The following FAM107B variants were observed in gnomAD, a reference collection of about 807,000 sequenced individuals.
FAM107B encodes the protein protein FAM107B.
In FAM107B, 21 loss-of-function variants were observed where a neutral mutation model predicts 31.5. The ratio of observed to expected loss-of-function variants is 0.67; its 90% confidence interval spans 0.47 to 0.96. FAM107B has a LOEUF of 0.96. Among genes scored for constraint, FAM107B ranks in the 40% least tolerant of loss-of-function variants. The pLI, the probability that FAM107B is intolerant of heterozygous loss-of-function variation, is 0.00. For synonymous variants in FAM107B, 157 were observed against 141.5 expected (o/e 1.11, Z -0.78); for missense variants, 452 against 377.1 (o/e 1.20, Z -1.64).
intron 1 of FAM107B, among the ~76,000 whole-genome samples, chr10:14,677,778 A>G (rs1229276712): frequency 6.6e-6 from 1 of 152,186 alleles, no homozygotes; most frequent in Non-Finnish European, 1.5e-5. Flanking sequence ...TAAAACCAGG[A>G]AAGTCCTGGG....
chr10:14,636,353 C>T (rs1369965489), intron 2 of FAM107B, among the ~76,000 whole-genome samples: 1 of 150,908 alleles, frequency 6.6e-6, no homozygotes, highest in African/African-American at 2.4e-5. Context: ...GAAATGTCTA[C>T]TTCTATGTGC....
chr10:14,573,229 C>T (rs1417066592), intron 2 of FAM107B, among the ~76,000 whole-genome samples: 1 of 152,120 alleles, frequency 6.6e-6, no homozygotes, highest in African/African-American at 2.4e-5. Context: ...AAACTTAATC[C>T]TCAATGCAAC....
rs1257540271 is a variant in FAM107B at position 14,671,888 on chromosome 10, A to AC, written c.412-4198_412-4197insG. Among the ~76,000 whole-genome samples, 431 of 149,100 alleles carry AC rather than the reference A, an allele frequency of 2.9e-3. 2 individuals are homozygous for AC. The highest frequency in any genetic ancestry group is 4.7e-3 in the Non-Finnish European group (316 of 67,476). ...CCTTTTATTTAAAAAAAAAAAACAA[A>AC]AAAACAAAAAAAAAACCCTCTATTT... On this transcript the variant is annotated intron_variant, in intron 1 of 4. Transcript: ENST00000181796.
chr10:14,767,569 CAT>C (rs1423145297), intron 1 of FAM107B, among the ~76,000 whole-genome samples: 4 of 151,992 alleles, frequency 2.6e-5, no homozygotes, highest in Non-Finnish European at 5.9e-5. Context: ...AAAGAAAACA[CAT>C]GTGATCATCT....
intron 1 of FAM107B, among the ~76,000 whole-genome samples, chr10:14,692,973 T>G (rs1410073): frequency 0.59 from 90,422 of 151,996 alleles, 27,036 homozygotes; most frequent in Admixed American, 0.68. Context: ...GCTATGACGA[T>G]CCATGCAAAA....
At chr10:14,759,221 T>TAAATAAATAAAA (rs1312610691) in intron 1 of FAM107B, among the ~76,000 whole-genome samples, 152 of 151,006 alleles carry the variant, frequency 1.0e-3, no homozygotes, top group African/African-American at 3.5e-3. Flanking sequence ...AATAAATAAA[T>TAAATAAATAAAA]AAAAAGCAGC....
intron 2 of FAM107B, among the ~76,000 whole-genome samples, chr10:14,570,379 G>A (rs1050062953): frequency 5.3e-5 from 8 of 152,152 alleles, no homozygotes; most frequent in Non-Finnish European, 1.2e-4. Context: ...CATAGCCACT[G>A]TGAGAATGAC....
At chr10:14,642,150 C>T (rs1239081333) in intron 2 of FAM107B, among the ~76,000 whole-genome samples, 1 of 152,226 alleles carries the variant, frequency 6.6e-6, no homozygotes, top group Non-Finnish European at 1.5e-5. Flanking sequence ...AAGTCCAAAA[C>T]CTAGCAAGGC....
intron 2 of FAM107B, among the ~76,000 whole-genome samples, chr10:14,608,811 A>G (rs760767624): frequency 1.3e-5 from 2 of 152,244 alleles, no homozygotes; most frequent in Non-Finnish European, 2.9e-5. Context: ...TAGAAGCAGT[A>G]GTCATATTGC....
chr10:14,551,178 ATTTTG>A lies in FAM107B; in HGVS notation c.470-20668_470-20664del, dbSNP rs112200753. On this transcript the variant is annotated intron_variant, in intron 2 of 4. Transcript: ENST00000181796. ...GTCATTCTCTACATTTTGGTTTATA[ATTTTG>A]TTTTGTTTTGTTTTGTTTTTTGAGA... Among the ~76,000 whole-genome samples, 394 of 152,216 alleles carry A rather than the reference ATTTTG, an allele frequency of 2.6e-3. 4 individuals carry two copies. The highest frequency in any genetic ancestry group is 0.012 in the East Asian group (64 of 5,188).
chr10:14,594,620 A>C (rs73601362), intron 2 of FAM107B, among the ~76,000 whole-genome samples: 457 of 152,338 alleles, frequency 3.0e-3, no homozygotes, highest in African/African-American at 0.011. Context: ...AGGGCGTGTG[A>C]AGAAGCAGTA....
chr10:14,566,996 C>CA (rs1427428605), intron 2 of FAM107B, among the ~76,000 whole-genome samples: 4 of 151,922 alleles, frequency 2.6e-5, no homozygotes, highest in African/African-American at 4.8e-5. Context: ...CTAAAAAATA[C>CA]AAAAAAATTA....
intron 2 of FAM107B, among the ~76,000 whole-genome samples, chr10:14,584,793 T>C (rs2014088): frequency 2.0e-5 from 3 of 151,936 alleles, no homozygotes; most frequent in African/African-American, 7.3e-5. Context: ...AACCCCCACC[T>C]TTTCTGCATG....
chr10:14,657,872 G>A (rs919153457), intron 2 of FAM107B, among the ~76,000 whole-genome samples: 13 of 151,298 alleles, frequency 8.6e-5, no homozygotes, highest in East Asian at 5.8e-4. Context: ...GTGCAGTGGC[G>A]CGATCCCAGC....
chr10:14,571,046 GAAGTCCAAGATC>G (rs1851179083), intron 2 of FAM107B, among the ~76,000 whole-genome samples: 1 of 152,132 alleles, frequency 6.6e-6, no homozygotes, highest in Non-Finnish European at 1.5e-5. Flanking sequence ...TAGAGGCTGG[GAAGTCCAAGATC>G]AAGGTGCCAG....
At position 14,708,911 on chromosome 10, in the gene FAM107B, T is replaced by C. The variant is rs552735773; in HGVS notation, c.412-41220A>G. On this transcript the variant is annotated intron_variant, in intron 1 of 4. Transcript: ENST00000181796. ...CTCAATATAGATGTCATTAGGGAAT[T>C]GCAGATTAAAACAATGGAAAATTAG... Among the ~76,000 whole-genome samples the C allele has an allele frequency of 2.2e-3, 94 of 42,244 alleles. 1 individual carries two copies. Among genetic ancestry groups the C allele is most frequent in the Non-Finnish European group, 4.2e-3 (67 of 15,800 alleles). 27.7% of individuals were successfully genotyped at this position (42,244 alleles called of 152,430 possible).
chr10:14,720,207 T>A (rs1044340015), intron 1 of FAM107B, among the ~76,000 whole-genome samples: 3 of 152,228 alleles, frequency 2.0e-5, no homozygotes, highest in African/African-American at 7.2e-5. Flanking sequence ...CCAGAACCCC[T>A]TCCAACTGGT....
intron 2 of FAM107B, among the ~76,000 whole-genome samples, chr10:14,546,865 A>C (rs994942437): frequency 5.3e-5 from 8 of 152,208 alleles, no homozygotes; most frequent in Non-Finnish European, 1.5e-5. Context: ...AAACGGACAC[A>C]GATGGGCCCA....
At chr10:14,553,491 C>A in intron 2 of FAM107B, 1 of 548,882 alleles carries the variant, frequency 1.8e-6, no homozygotes, top group Non-Finnish European at 2.9e-6. Context: ...AATTCCACAC[C>A]CTTAGCTCAA....
Sources: gnomAD v4.1 joint callset for allele counts (sites outside exome capture counted in the v4.1 genomes callset) on GRCh38, gnomAD v4.1.1 for gene constraint, MANE v1.5 for transcripts, NCBI Gene and HGNC (gene_info 2026-07-23, HGNC 2026-07-21) for gene names.